CELF1: variants seen among roughly 807,000 people sequenced by gnomAD.
CELF1 encodes CUGBP Elav-like family member 1.
In CELF1, 10 loss-of-function variants were observed where a neutral mutation model predicts 61.8. That is an observed-to-expected ratio of 0.16 (90% CI 0.10 to 0.27). The LOEUF is 0.27. CELF1 is among the 10% of genes least tolerant of loss of function. CELF1 has a pLI of 1.00. For missense variants in CELF1, 380 were observed against 639.1 expected, an observed-to-expected ratio of 0.59 and a Z score of 4.37; for synonymous variants, 236 against 225.1, an observed-to-expected ratio of 1.05 and a Z score of -0.43.
intron 12 of CELF1, 120 bp from the exon 13 acceptor site, chr11:47,475,641 T>C (rs1226298760): frequency 1.1e-6 from 1 of 934,636 alleles, no homozygotes; most frequent in African/African-American, 1.7e-5. Context: ...ATCTCCCTCT[T>C]AGTTTCTCCC....
At chr11:47,511,896 T>C (rs1374393547) in intron 1 of CELF1, among the ~76,000 whole-genome samples, 1 of 152,182 alleles carries the variant, frequency 6.6e-6, no homozygotes, top group African/African-American at 2.4e-5. Flanking sequence ...TTTTCCAGGC[T>C]GAAGTGAAGT....
chr11:47,550,307 G>C (rs1048276280), intron 1 of CELF1, among the ~76,000 whole-genome samples: 1 of 151,810 alleles, frequency 6.6e-6, no homozygotes, highest in Admixed American at 6.6e-5. Flanking sequence ...GAGGTGGGCA[G>C]ATCACCTGAG....
intron 3 of CELF1, among the ~76,000 whole-genome samples, chr11:47,492,667 G>A: frequency 6.6e-6 from 1 of 152,162 alleles, no homozygotes; most frequent in South Asian, 2.1e-4. Flanking sequence ...GGGAGGTGGA[G>A]GTTGCAGTGA....
intron 2 of CELF1, among the ~76,000 whole-genome samples, chr11:47,558,273 A>G (rs968811580): frequency 2.0e-5 from 3 of 151,470 alleles, no homozygotes; most frequent in African/African-American, 7.3e-5. Flanking sequence ...TTTTACTGAC[A>G]CAGACTCATC....
At chr11:47,552,657 C>A (rs1349859341) in intron 1 of CELF1, among the ~76,000 whole-genome samples, 1 of 152,206 alleles carries the variant, frequency 6.6e-6, no homozygotes, top group Non-Finnish European at 1.5e-5. Context: ...ACGAGGAAAA[C>A]GGAGCTGGCC....
intron 1 of CELF1, among the ~76,000 whole-genome samples, chr11:47,524,179 C>A (rs776189311): frequency 6.6e-6 from 1 of 152,100 alleles, no homozygotes; most frequent in Admixed American, 6.6e-5. Context: ...TAAATCATTT[C>A]TTAAAGGGGT....
rs774484632 is a variant in CELF1 at position 47,468,609 on chromosome 11, G to T, written c.*3621C>A. On this transcript the variant is annotated 3_prime_UTR_variant, in exon 15 of 15. Coordinates refer to ENST00000687097, the MANE Select transcript of CELF1 (RefSeq NM_001376376.1). ...TATCTTATGAAGTTCTAGAAAAATAGATTTTTTTTATATTCAAATGCAAGT... is the reference window on the plus strand; with the variant it reads ...TATCTTATGAAGTTCTAGAAAAATATATTTTTTTTATATTCAAATGCAAGT... 1 of 151,588 alleles carries T rather than the reference G, an allele frequency of 6.6e-6. No individual in the cohort carries two copies. The highest frequency in any genetic ancestry group is 1.5e-5 in the Non-Finnish European group (1 of 67,920). The allele number at this position is 151,588 out of a possible 1,614,324, so 9.4% of individuals were successfully genotyped here. A position where few individuals can be genotyped will look rare whatever the true frequency, so the allele number is the denominator to read the frequency against.
chr11:47,561,977 A>G (rs2097227046), intron 2 of CELF1, among the ~76,000 whole-genome samples: 2 of 152,064 alleles, frequency 1.3e-5, no homozygotes. Flanking sequence ...CTGTAATCCC[A>G]GCACTTTGGG....
At chr11:47,482,099 A>C (rs2083600045) in intron 9 of CELF1, among the ~76,000 whole-genome samples, 1 of 152,138 alleles carries the variant, frequency 6.6e-6, no homozygotes, top group Admixed American at 6.6e-5. Flanking sequence ...GCTACTTGGG[A>C]AGTTGAGGCA....
intron 3 of CELF1, among the ~76,000 whole-genome samples, chr11:47,492,217 C>T (rs927863808): frequency 1.3e-5 from 2 of 152,044 alleles, no homozygotes; most frequent in African/African-American, 4.8e-5. Flanking sequence ...TGGGCTCAAA[C>T]GATTCTCCCA....
At chr11:47,505,466 TA>T (rs904288177) in intron 1 of CELF1, among the ~76,000 whole-genome samples, 2 of 149,592 alleles carry the variant, frequency 1.3e-5, no homozygotes, top group African/African-American at 4.9e-5. Flanking sequence ...CCCTCTCTAC[TA>T]AAAAAAATAC....
chr11:47,508,064 A>T (rs1424607977), intron 1 of CELF1, among the ~76,000 whole-genome samples: 1 of 152,230 alleles, frequency 6.6e-6, no homozygotes, highest in Non-Finnish European at 1.5e-5. Flanking sequence ...CTAAGGATTC[A>T]GATGCTAAGG....
chr11:47,501,163 A>AT (rs777619430), intron 1 of CELF1, among the ~76,000 whole-genome samples: 1 of 152,140 alleles, frequency 6.6e-6, no homozygotes, highest in Non-Finnish European at 1.5e-5. Flanking sequence ...TGCTTTTTCT[A>AT]TTTTTGCCAG....
intron 12 of CELF1, among the ~76,000 whole-genome samples, chr11:47,476,380 T>C (rs944173147): frequency 2.0e-5 from 3 of 152,204 alleles, no homozygotes; most frequent in Non-Finnish European, 2.9e-5. Flanking sequence ...TCCGAAGTTA[T>C]AGCTAGCTAA....
intron 13 of CELF1, 101 bp downstream of exon 13, chr11:47,475,235 G>C: frequency 9.4e-7 from 1 of 1,062,456 alleles, no homozygotes; most frequent in South Asian, 1.4e-5. Flanking sequence ...ACAATGGTCT[G>C]ACGACCTAAC....
rs1173479717 is a variant in CELF1 at position 47,467,977 on chromosome 11, T to G, written c.*4253A>C. 6.6e-6 allele frequency: 1 copy of G among 152,230 alleles called. No homozygotes were observed. Among genetic ancestry groups the G allele is most frequent in the East Asian group, 1.9e-4 (1 of 5,204 alleles). 9.4% of individuals were successfully genotyped at this position (152,230 alleles called of 1,614,324 possible). A position where few individuals can be genotyped will look rare whatever the true frequency, so the allele number is the denominator to read the frequency against. ...AAAACAGAGAGGTGAAGGTGATATA[T>G]ACGAAGGTGTGAAGAAACAGCAGGA... On this transcript the variant is annotated 3_prime_UTR_variant, in exon 15 of 15. Transcript: ENST00000687097.
intron 1 of CELF1, among the ~76,000 whole-genome samples, chr11:47,543,123 G>A (rs185979676): frequency 4.2e-4 from 64 of 152,116 alleles, no homozygotes; most frequent in Admixed American, 2.0e-3. Flanking sequence ...TGGAAAAGAA[G>A]GCCAGCATGG....
At position 47,467,429 on chromosome 11, in the gene CELF1, T is replaced by G. The variant is rs1470159714; in HGVS notation, c.*4801A>C. On this transcript the variant is annotated 3_prime_UTR_variant, in exon 15 of 15. Transcript: ENST00000687097. ...ATTAAAAAAACAAATCCCTGCCCTT[T>G]CCCCCACCCCACTAGCTAAGCAAGA... The G allele has an allele frequency of 1.3e-5, 2 of 152,014 alleles. No individual in the cohort carries two copies. Among genetic ancestry groups the G allele is most frequent in the Non-Finnish European group, 2.9e-5 (2 of 68,072 alleles). The allele number at this position is 152,014 out of a possible 1,614,324, so 9.4% of individuals were successfully genotyped here.
chr11:47,485,589 T>A (rs1274387206), intron 6 of CELF1, among the ~76,000 whole-genome samples: 3 of 151,676 alleles, frequency 2.0e-5, no homozygotes, highest in African/African-American at 7.3e-5. Context: ...TTCTGAATTT[T>A]TTTTTTTTTT....
Sources: gnomAD v4.1 joint callset for allele counts (sites outside exome capture counted in the v4.1 genomes callset) on GRCh38, gnomAD v4.1.1 for gene constraint, MANE v1.5 for transcripts, NCBI Gene and HGNC (gene_info 2026-07-23, HGNC 2026-07-21) for gene names.